The following DDI2 variants were observed in gnomAD, a reference collection of about 807,000 sequenced individuals.
The protein encoded by DDI2 is DDI proteasomal shuttling factor 2, also known as protein DDI1 homolog 2.
In DDI2, 5 loss-of-function variants were observed where a neutral mutation model predicts 48.1. The observed-to-expected ratio is 0.10, with a 90% CI of 0.05 to 0.22. DDI2 has a LOEUF of 0.22. Ranked by LOEUF, DDI2 falls within the 10% of genes least tolerant of loss-of-function variation. The pLI is 1.00. For synonymous variants in DDI2, 205 were observed against 183.6 expected (o/e 1.12, Z -0.94); for missense variants, 285 against 506.2 (o/e 0.56, Z 4.19).
intron 8 of DDI2, among the ~76,000 whole-genome samples, chr1:15,655,454 T>TA (rs551014823): frequency 0.22 from 31,251 of 144,546 alleles, 3,334 homozygotes; most frequent in Middle Eastern, 0.26. Flanking sequence ...CACTTGTTTC[T>TA]AAAAAAAAAA....
chr1:15,660,883 C>G lies in DDI2; in HGVS notation c.*1093C>G, dbSNP rs918520279. 6.2e-7 allele frequency: 1 copy of G among 1,614,116 alleles called. No homozygotes were observed. Among genetic ancestry groups the G allele is most frequent in the Non-Finnish European group, 8.5e-7 (1 of 1,180,018 alleles). On this transcript the variant is annotated 3_prime_UTR_variant, in exon 10 of 10. Transcript: ENST00000480945. ...CTCTCCAAGTCTCTGTGGCAGTTGT[C>G]AGCCTTCTGTGGAGTCAGCAGAAGA...
chr1:15,626,503 T>C (rs1292440612), intron 1 of DDI2, among the ~76,000 whole-genome samples, 166 bp from the exon 2 acceptor site: 2 of 152,230 alleles, frequency 1.3e-5, no homozygotes, highest in African/African-American at 2.4e-5. Context: ...TGTTTGGTCC[T>C]GCTAGGTGAC....
chr1:15,632,985 G>C (rs1038030183), intron 3 of DDI2, among the ~76,000 whole-genome samples: 6 of 143,116 alleles, frequency 4.2e-5, no homozygotes, highest in Non-Finnish European at 7.5e-5. Context: ...TGTGTGGTGC[G>C]ATCACAGCTC....
Position 15,661,175 on chromosome 1 carries a change from C to G in DDI2, c.*1385C>G, listed in dbSNP as rs116029163. ...AAATTAACAGGTACTTCATCTGACA[C>G]TGGAAGAGAAGCTGTAGAAAATGTA... On this transcript the variant is annotated 3_prime_UTR_variant, in exon 10 of 10. Coordinates refer to ENST00000480945, the MANE Select transcript of DDI2 (RefSeq NM_032341.5). 1.7e-3 allele frequency: 2,787 copies of G among 1,614,104 alleles called. 44 individuals carry two copies. The African/African-American group carries it at 0.029, about 17-fold the overall frequency.
intron 6 of DDI2, among the ~76,000 whole-genome samples, chr1:15,644,840 G>A (rs1285896223): frequency 2.0e-5 from 3 of 151,528 alleles, no homozygotes; most frequent in Non-Finnish European, 2.9e-5. Flanking sequence ...TGATCCGCCC[G>A]CCTCGGCCTC....
intron 8 of DDI2, among the ~76,000 whole-genome samples, chr1:15,653,791 C>A (rs1640229797): frequency 6.6e-6 from 1 of 152,178 alleles, no homozygotes; most frequent in East Asian, 1.9e-4. Context: ...GACACCATGC[C>A]TGACCAGCAT....
At chr1:15,622,198 C>CTTTT (rs923707351) in intron 1 of DDI2, among the ~76,000 whole-genome samples, 1,444 of 131,188 alleles carry the variant, frequency 0.011, 36 homozygotes, top group African/African-American at 0.028. Flanking sequence ...GTAGCTGCGA[C>CTTTT]TTTTTTTTTT....
chr1:15,626,104 A>T (rs777809053), intron 1 of DDI2, among the ~76,000 whole-genome samples: 2 of 152,344 alleles, frequency 1.3e-5, no homozygotes, highest in East Asian at 3.9e-4. Context: ...AATTAAATCT[A>T]AAATTATATC....
In DDI2 at chr1:15,660,110, C is replaced by A. The variant is rs1339774685; in HGVS notation, c.*320C>A. 2 of 1,614,164 alleles carry A rather than the reference C, an allele frequency of 1.2e-6. No homozygotes were observed. Among genetic ancestry groups the A allele is most frequent in the Admixed American group, 3.3e-5 (2 of 60,008 alleles). The stretch of plus-strand genomic sequence containing the variant: ...TCTTTACAAGATCTTTCTGATCATG[C>A]TTCCTCAGCAGACCATGCTCCAACA... On this transcript the variant is annotated 3_prime_UTR_variant, in exon 10 of 10. Coordinates refer to ENST00000480945, the MANE Select transcript of DDI2 (RefSeq NM_032341.5).
chr1:15,629,470 G>A (rs1027817686), intron 2 of DDI2, among the ~76,000 whole-genome samples: 6 of 151,622 alleles, frequency 4.0e-5, no homozygotes, highest in African/African-American at 1.2e-4. Flanking sequence ...AGTGGCACAC[G>A]CCTGTAATCC....
chr1:15,636,671 G>A (rs529684612), intron 4 of DDI2, among the ~76,000 whole-genome samples: 35 of 152,280 alleles, frequency 2.3e-4, no homozygotes, highest in African/African-American at 8.4e-4. Flanking sequence ...TGTTGCCCAG[G>A]CTGGTGTCAA....
At chr1:15,650,071 G>A (rs1232645943) in intron 7 of DDI2, among the ~76,000 whole-genome samples, 6 of 152,308 alleles carry the variant, frequency 3.9e-5, no homozygotes, top group East Asian at 3.9e-4. Context: ...GTAAAGGACA[G>A]TTTGGTTCCC....
intron 6 of DDI2, among the ~76,000 whole-genome samples, chr1:15,645,321 A>G (rs1167484780): frequency 6.6e-6 from 1 of 152,152 alleles, no homozygotes; most frequent in African/African-American, 2.4e-5. Flanking sequence ...TGCAGTCTAG[A>G]CGCTCACATC....
At chr1:15,652,816 C>G (rs941353573) in intron 8 of DDI2, among the ~76,000 whole-genome samples, 1 of 135,770 alleles carries the variant, frequency 7.4e-6, no homozygotes, top group Admixed American at 7.0e-5. Context: ...GAGCGAGACT[C>G]CATCTCAAAA....
chr1:15,633,662 C>T, intron 4 of DDI2, 97 bp downstream of exon 4: 1 of 1,563,516 alleles, frequency 6.4e-7, no homozygotes, highest in Non-Finnish European at 8.7e-7. Context: ...TTGGAGGTAG[C>T]TTCTCTGTTT....
intron 2 of DDI2, 69 bp downstream of exon 2, chr1:15,626,867 A>C: frequency 6.3e-7 from 1 of 1,595,562 alleles, no homozygotes; most frequent in East Asian, 2.2e-5. Context: ...AGCACCTCAG[A>C]GTTTTGGATT....
rs371371856 is a variant in DDI2, at chr1:15,643,746, T to TTTG, written c.889+108_889+110dup. The TTTG allele has an allele frequency of 6.9e-5, 103 of 1,497,202 alleles. No homozygotes were observed. In the African/African-American group the frequency reaches 1.0e-3, roughly 15 times the overall value. 92.7% of individuals were successfully genotyped at this position (1,497,202 alleles called of 1,614,324 possible). A position where few individuals can be genotyped will look rare whatever the true frequency, so the allele number is the denominator to read the frequency against. The stretch of plus-strand genomic sequence containing the variant: ...TTTTTAGAGGGTCTTTTGTTGTTAT[T>TTTG]TTGTTGTTGTTGTTTTAAATTTCTT... On this transcript the variant is annotated intron_variant, in intron 6 of 9. Transcript: ENST00000480945.
In DDI2 at chr1:15,661,118, A is replaced by G; in HGVS notation, c.*1328A>G. The G allele has an allele frequency of 6.2e-7, 1 of 1,613,738 alleles. No homozygotes were observed. Among genetic ancestry groups the G allele is most frequent in the Non-Finnish European group, 8.5e-7 (1 of 1,179,874 alleles). On this transcript the variant is annotated 3_prime_UTR_variant, in exon 10 of 10. Coordinates refer to ENST00000480945, the MANE Select transcript of DDI2 (RefSeq NM_032341.5). Reference sequence around the variant, plus strand: ...GAACAGTGTCCACAAGTCTCCTTTCATCAGGCCATATCTGTATCAGTGGAG... The same window carrying G: ...GAACAGTGTCCACAAGTCTCCTTTCGTCAGGCCATATCTGTATCAGTGGAG...
rs765707710 is a variant in DDI2 at position 15,662,880 on chromosome 1, G to C, written c.*3090G>C. The C allele has an allele frequency of 1.3e-5, 2 of 152,130 alleles. No individual in the cohort carries two copies. The highest frequency in any genetic ancestry group is 2.4e-5 in the African/African-American group (1 of 41,412). The allele number at this position is 152,130 out of a possible 1,614,324, so 9.4% of individuals were successfully genotyped here. ...GTTTTCCATCCTTTTCTTTCCTCAG[G>C]AGTTTCTTTTTTAAGCAAAATTCAT... On this transcript the variant is annotated 3_prime_UTR_variant, in exon 10 of 10. Transcript: ENST00000480945.
Sources: allele counts gnomAD v4.1 joint callset (sites outside exome capture counted in the v4.1 genomes callset), GRCh38; gene constraint gnomAD v4.1.1; transcripts MANE v1.5; gene names NCBI Gene and HGNC (gene_info 2026-07-23, HGNC 2026-07-21).